The following ROBO2 variants were observed in gnomAD, a reference collection of about 807,000 sequenced individuals.
The protein encoded by ROBO2 is roundabout homolog 2.
A neutral mutation model predicts 160.8 loss-of-function variants in ROBO2; 53 were observed. The ratio of observed to expected loss-of-function variants is 0.33; its 90% CI spans 0.26 to 0.41. The LOEUF (loss-of-function observed/expected upper bound fraction) is 0.41. Among genes scored for constraint, ROBO2 ranks in the 10% least tolerant of loss-of-function variants. The pLI, the probability that ROBO2 is intolerant of heterozygous loss-of-function variation, is 1.00. For missense variants in ROBO2, 1,577 were observed against 1,722.4 expected (o/e 0.92, Z 1.49); for synonymous variants, 664 against 611.7 (o/e 1.09, Z -1.26).
intron 2 of ROBO2, among the ~76,000 whole-genome samples, chr3:76,665,925 T>C (rs1030729697): frequency 4.9e-5 from 7 of 142,788 alleles, no homozygotes; most frequent in Non-Finnish European, 4.5e-5. Flanking sequence ...ATATTTTATA[T>C]GTAATATACA....
At chr3:76,402,481 T>C (rs1319602570) in intron 2 of ROBO2, among the ~76,000 whole-genome samples, 3 of 151,752 alleles carry the variant, frequency 2.0e-5, no homozygotes, top group East Asian at 3.9e-4. Context: ...CAAGAACTTA[T>C]GGGCTTAAAT....
chr3:76,552,473 A>G (rs9846763), intron 2 of ROBO2, among the ~76,000 whole-genome samples: 7,045 of 152,344 alleles, frequency 0.046, 187 homozygotes, highest in African/African-American at 0.071. Flanking sequence ...TCTCCTTTTC[A>G]TATAATTAAT....
chr3:76,632,919 TTAAA>T (rs2090112234), intron 2 of ROBO2, among the ~76,000 whole-genome samples: 1 of 152,200 alleles, frequency 6.6e-6, no homozygotes, highest in Admixed American at 6.5e-5. Context: ...AAATATCTAG[TTAAA>T]TAGATTGTGG....
rs1553805626 is a variant in ROBO2 at position 76,567,632 on chromosome 3, T to TATATATATATATACAC, written c.110-530369_110-530368insCACATATATATATATA. 3.8e-4 allele frequency among the ~76,000 whole-genome samples: 30 copies of TATATATATATATACAC among 79,118 alleles called. 2 individuals carry two copies. The highest frequency in any genetic ancestry group is 7.8e-4 in the Non-Finnish European group (30 of 38,244). 51.9% of individuals were successfully genotyped at this position (79,118 alleles called of 152,430 possible). ...ATACCAAACTACTGATATATATATA[T>TATATATATATATACAC]ATATATATATATATATATATACACA... On this transcript the variant is annotated intron_variant, in intron 2 of 26. Coordinates refer to the ROBO2 transcript ENST00000487694.
chr3:76,032,012 T>C lies in ROBO2; in HGVS notation c.109+94410T>C, dbSNP rs144140827. On this transcript the variant is annotated intron_variant, in intron 2 of 26. Transcript: ENST00000487694. ...GGACTTTTTTTGGTTGGTAAGCTAT[T>C]AATTATTGCCTCAATTTTAGAGCCT... Among the ~76,000 whole-genome samples, 65 of 152,308 alleles carry C rather than the reference T, an allele frequency of 4.3e-4. No homozygotes were observed. In the Middle Eastern group the frequency reaches 0.014, roughly 32 times the overall value.
intron 2 of ROBO2, among the ~76,000 whole-genome samples, chr3:76,461,149 A>G (rs1284333331): frequency 6.6e-6 from 1 of 152,198 alleles, no homozygotes; most frequent in Non-Finnish European, 1.5e-5. Context: ...GGCCTCAGGA[A>G]ACTTATAATC....
Position 77,401,076 on chromosome 3 carries a change from A to G in ROBO2, c.389-76338A>G, listed in dbSNP as rs148891361. 2.2e-4 allele frequency among the ~76,000 whole-genome samples: 34 copies of G among 152,224 alleles called. No individual in the cohort carries two copies. In the East Asian group the frequency reaches 6.6e-3, roughly 29 times the overall value. ...GGTTATTTCCTCCATAGAAGCCATGAACATAGAGGATACAAAAGCATTGTA... is the reference window on the plus strand; with the variant it reads ...GGTTATTTCCTCCATAGAAGCCATGGACATAGAGGATACAAAAGCATTGTA... On this transcript the variant is annotated intron_variant, in intron 2 of 25. Coordinates refer to ENST00000461745, the Ensembl canonical transcript of ROBO2.
At chr3:76,230,235 C>G (rs1226747127) in intron 2 of ROBO2, among the ~76,000 whole-genome samples, 1 of 152,106 alleles carries the variant, frequency 6.6e-6, no homozygotes. Context: ...ATTAATTTCT[C>G]CTATTCCTGA....
chr3:76,979,163 C>T (rs1018997228), intron 2 of ROBO2, among the ~76,000 whole-genome samples: 3 of 151,962 alleles, frequency 2.0e-5, no homozygotes, highest in Non-Finnish European at 2.9e-5. Context: ...AGGTTGGTCT[C>T]GAACTCCTGG....
At chr3:76,537,635 A>G (rs1052418412) in intron 2 of ROBO2, among the ~76,000 whole-genome samples, 2 of 152,118 alleles carry the variant, frequency 1.3e-5, no homozygotes, top group African/African-American at 2.4e-5. Flanking sequence ...ACAGGGAACC[A>G]GTCTCCCGAA....
At chr3:76,439,448 C>A (rs946245052) in intron 2 of ROBO2, among the ~76,000 whole-genome samples, 2 of 151,740 alleles carry the variant, frequency 1.3e-5, no homozygotes, top group African/African-American at 4.8e-5. Context: ...AGAGCTGAAT[C>A]GGGAAGATAA....
intron 2 of ROBO2, among the ~76,000 whole-genome samples, chr3:76,824,220 G>A (rs1192252478): frequency 2.6e-5 from 4 of 152,168 alleles, no homozygotes; most frequent in Admixed American, 1.3e-4. Flanking sequence ...CTACTCCACT[G>A]GGAAGAACTT....
At chr3:76,545,239 C>T (rs183174434) in intron 2 of ROBO2, among the ~76,000 whole-genome samples, 2 of 151,918 alleles carry the variant, frequency 1.3e-5, no homozygotes, top group Admixed American at 1.3e-4. Flanking sequence ...GTTTACATTC[C>T]GAAATGCATG....
intron 2 of ROBO2, among the ~76,000 whole-genome samples, chr3:76,288,834 T>C (rs1330565681): frequency 1.3e-5 from 2 of 152,246 alleles, no homozygotes; most frequent in South Asian, 2.1e-4. Context: ...TTCTTTTCTA[T>C]GGCTGCCTAG....
chr3:76,522,896 A>C (rs2081711158), intron 2 of ROBO2, among the ~76,000 whole-genome samples: 1 of 151,520 alleles, frequency 6.6e-6, no homozygotes, highest in African/African-American at 2.4e-5. Flanking sequence ...AGTTTATCTT[A>C]TATGTGATGA....
chr3:76,939,960 G>A (rs1325879823), intron 2 of ROBO2, among the ~76,000 whole-genome samples: 1 of 149,274 alleles, frequency 6.7e-6, no homozygotes, highest in Admixed American at 6.8e-5. Flanking sequence ...AGGTGGCAGA[G>A]GAAGGACAAA....
At chr3:76,258,207 T>A (rs974146574) in intron 2 of ROBO2, among the ~76,000 whole-genome samples, 1 of 152,060 alleles carries the variant, frequency 6.6e-6, no homozygotes, top group African/African-American at 2.4e-5. Context: ...TTGTAAGATA[T>A]ATGCATGATT....
intron 2 of ROBO2, among the ~76,000 whole-genome samples, chr3:77,333,396 T>G (rs867033442): frequency 6.6e-6 from 1 of 152,208 alleles, no homozygotes; most frequent in Non-Finnish European, 1.5e-5. Context: ...AATCCTAGAT[T>G]TTCGTTTTAT....
At position 77,204,862 on chromosome 3, in the gene ROBO2, G is replaced by A. The variant is rs190817100; in HGVS notation, c.388+106522G>A. Reference sequence around the variant, plus strand: ...GGGAGATAGGAATGGGTCAAGATTCGTATCAGCAGTTCAACTGAAACGCGA... The same window carrying A: ...GGGAGATAGGAATGGGTCAAGATTCATATCAGCAGTTCAACTGAAACGCGA... On this transcript the variant is annotated intron_variant, in intron 2 of 25. Transcript: ENST00000461745. 3.2e-3 allele frequency among the ~76,000 whole-genome samples: 483 copies of A among 152,320 alleles called. 1 individual carries two copies. Among genetic ancestry groups the A allele is most frequent in the African/African-American group, 0.011 (459 of 41,586 alleles).
Sources: gnomAD v4.1 joint callset for allele counts (sites outside exome capture counted in the v4.1 genomes callset) on GRCh38, gnomAD v4.1.1 for gene constraint, MANE v1.5 for transcripts, NCBI Gene and HGNC (gene_info 2026-07-23, HGNC 2026-07-21) for gene names.